TRMT2B: variants seen among roughly 807,000 people sequenced by gnomAD.
TRMT2B encodes the protein tRNA (uracil-5-)-methyltransferase homolog B.
Under a neutral mutation model 39.7 loss-of-function variants are expected in TRMT2B, and 34 were observed. That is an observed-to-expected ratio of 0.86 (90% CI 0.65 to 1.14). The LOEUF is 1.14. Ranked by LOEUF, TRMT2B falls within the 50% of genes most tolerant of loss-of-function variation. The pLI is 0.00. For missense variants in TRMT2B, 318 were observed against 377.2 expected (o/e 0.84, Z 1.30); for synonymous variants, 132 against 137.3 (o/e 0.96, Z 0.27).
chrX:100,990,147 G>A, the TRMT2B span, among the ~76,000 whole-genome samples: 1 of 111,657 alleles, frequency 9.0e-6, no homozygotes, highest in African/African-American at 3.3e-5. Flanking sequence ...GAAGGGCAGA[G>A]GGGAGAGAGC....
At chrX:101,019,910 A>G (rs1602539360) in intron 11 of TRMT2B, among the ~76,000 whole-genome samples, 1 of 110,648 alleles carries the variant, frequency 9.0e-6, no homozygotes, top group Non-Finnish European at 1.9e-5. Context: ...AATTACAGGC[A>G]TGAGCCACCA....
the TRMT2B span, among the ~76,000 whole-genome samples, chrX:101,003,945 C>T: frequency 9.0e-6 from 1 of 111,135 alleles, no homozygotes; most frequent in Non-Finnish European, 1.9e-5. Flanking sequence ...ATCCTCCCAC[C>T]TCAGCCTCCT....
At chrX:101,023,309 C>T (rs1221359865) in intron 8 of TRMT2B, among the ~76,000 whole-genome samples, 161 bp downstream of exon 8, 1 of 112,003 alleles carries the variant, frequency 8.9e-6, no homozygotes, top group Admixed American at 9.5e-5. Context: ...AAATAGTATC[C>T]TTGCCATCTT....
At chrX:101,034,796 C>A (rs938619462) in intron 7 of TRMT2B, among the ~76,000 whole-genome samples, 2 of 111,021 alleles carry the variant, frequency 1.8e-5, no homozygotes, top group African/African-American at 6.5e-5. Flanking sequence ...CTTTGGGAGG[C>A]CGAGGTGGGT....
At chrX:100,990,535 T>C in the TRMT2B span, 8 of 1,122,260 alleles carry the variant, frequency 7.1e-6, no homozygotes, top group African/African-American at 1.9e-5. Context: ...TGAGAACCCC[T>C]GTTGTTCCTG....
At chrX:101,005,570 T>C (rs956676769), downstream of TRMT2B, among the ~76,000 whole-genome samples, 5 of 67,879 alleles carry the variant, frequency 7.4e-5, no homozygotes, top group East Asian at 1.2e-3. Flanking sequence ...GTAATTCAGC[T>C]GCCTTTTTTT....
chrX:101,020,736 C>G, intron 10 of TRMT2B, 148 bp from the exon 11 acceptor site: 2 of 503,751 alleles, frequency 4.0e-6, no homozygotes, highest in South Asian at 5.8e-5. Context: ...ATGGCACAAT[C>G]ACAGTTCACT....
intron 6 of TRMT2B, among the ~76,000 whole-genome samples, chrX:101,036,423 T>C (rs781508253): frequency 1.3e-4 from 11 of 82,448 alleles, no homozygotes; most frequent in African/African-American, 5.2e-4. Context: ...CCAGCCTGGG[T>C]GACAGTGCGA....
At chrX:100,973,839 A>G in the TRMT2B span, 3 of 951,767 alleles carry the variant, frequency 3.2e-6, no homozygotes, top group African/African-American at 1.9e-5. Flanking sequence ...TTCATAATAT[A>G]TATTGTTAGG....
chrX:101,036,562 C>A (rs1198334301), intron 6 of TRMT2B, among the ~76,000 whole-genome samples: 1 of 109,450 alleles, frequency 9.1e-6, no homozygotes, highest in Non-Finnish European at 1.9e-5. Context: ...CCTACCAATT[C>A]TTTTAAGGTA....
chrX:101,040,291 TTA>T (rs548162848), intron 4 of TRMT2B, among the ~76,000 whole-genome samples: 1 of 17,404 alleles, frequency 5.7e-5, no homozygotes, highest in Non-Finnish European at 9.0e-5. Context: ...CAGACTCTAT[TTA>T]AAAAAAAAAA....
At chrX:100,976,799 C>T in the TRMT2B span, among the ~76,000 whole-genome samples, 2 of 112,272 alleles carry the variant, frequency 1.8e-5, no homozygotes, top group African/African-American at 6.5e-5. Flanking sequence ...GGTCTCACCA[C>T]GTTGGTCAGG....
intron 7 of TRMT2B, among the ~76,000 whole-genome samples, chrX:101,033,558 G>A (rs915482095): frequency 8.2e-5 from 9 of 109,961 alleles, no homozygotes; most frequent in African/African-American, 3.0e-4. Context: ...TCTCGCCACT[G>A]CACTACAGCC....
chrX:100,976,845 G>A, the TRMT2B span, among the ~76,000 whole-genome samples: 1 of 112,447 alleles, frequency 8.9e-6, no homozygotes, highest in African/African-American at 3.2e-5. Flanking sequence ...TGATCCACCC[G>A]CCTTGGCCTC....
At chrX:101,047,826 TA>T (rs1161789942) in intron 2 of TRMT2B, among the ~76,000 whole-genome samples, 27 of 98,834 alleles carry the variant, frequency 2.7e-4, no homozygotes, top group African/African-American at 2.6e-4. Context: ...GACTCCATCT[TA>T]AAAAAAAAAA....
At chrX:101,005,894 AAAAAAAAAAAGAAAG>A (rs1394104894), downstream of TRMT2B, among the ~76,000 whole-genome samples, 1 of 42,733 alleles carries the variant, frequency 2.3e-5, no homozygotes, top group East Asian at 3.2e-4. Context: ...AAAAAAAAAA[AAAAAAAAAAAGAAAG>A]AGAGAAAAGA....
chrX:100,989,149 C>T, the TRMT2B span, among the ~76,000 whole-genome samples: 1 of 110,585 alleles, frequency 9.0e-6, no homozygotes, highest in Non-Finnish European at 1.9e-5. Context: ...AAGTTTTCCA[C>T]AACCTGGCAT....
At position 101,044,108 on chromosome X, in the gene TRMT2B, G is replaced by A. The variant is rs755411417; in HGVS notation, c.-23-1796C>T. Among the ~76,000 whole-genome samples the A allele has an allele frequency of 1.9e-4, 21 of 110,091 alleles. No homozygotes were observed. The South Asian group carries it at 7.5e-3, about 39-fold the overall frequency. ...AATACAATAATTAGCCAGGCGTGGC[G>A]GCAGGCACCTATAGTCCCAGCTACT... is the stretch of plus-strand genomic sequence containing the variant. On this transcript the variant is annotated intron_variant, in intron 2 of 13. Coordinates refer to ENST00000372936, the MANE Select transcript of TRMT2B (RefSeq NM_024917.6).
At chrX:100,991,754 A>G in the TRMT2B span, among the ~76,000 whole-genome samples, 1 of 111,815 alleles carries the variant, frequency 8.9e-6, no homozygotes, top group African/African-American at 3.3e-5. Flanking sequence ...TGCATTTCAC[A>G]GATGAGGAAA....
Sources: gnomAD v4.1 joint callset for allele counts (sites outside exome capture counted in the v4.1 genomes callset) on GRCh38, gnomAD v4.1.1 for gene constraint, MANE v1.5 for transcripts, NCBI Gene and HGNC (gene_info 2026-07-23, HGNC 2026-07-21) for gene names.